The following DCC variants were observed in gnomAD, a reference collection of about 807,000 sequenced individuals.
DCC encodes the protein DCC netrin 1 receptor.
DCC carries 58 observed loss-of-function variants against 172.5 expected under a neutral mutation model. The ratio of observed to expected loss-of-function variants is 0.34; its 90% CI spans 0.27 to 0.42. DCC has a LOEUF of 0.42. DCC is among the 10% of genes least tolerant of loss of function. DCC has a pLI of 1.00. For missense variants in DCC, 1,740 were observed against 1,791.0 expected, an observed-to-expected ratio of 0.97 and a Z score of 0.51; for synonymous variants, 709 against 644.5, an observed-to-expected ratio of 1.10 and a Z score of -1.52.
chr18:52,735,505 T>C (rs1199590006), intron 1 of DCC, among the ~76,000 whole-genome samples: 1 of 152,118 alleles, frequency 6.6e-6, no homozygotes, highest in Non-Finnish European at 1.5e-5. Flanking sequence ...ATCTGCAGTC[T>C]GAGAAGCCAG....
intron 21 of DCC, among the ~76,000 whole-genome samples, chr18:53,421,220 T>C (rs879356178): frequency 9.9e-5 from 15 of 152,210 alleles, no homozygotes; most frequent in Admixed American, 2.0e-4. Context: ...GATGTCTTTG[T>C]ATGAAAATCG....
intron 12 of DCC, among the ~76,000 whole-genome samples, chr18:53,280,499 T>A (rs2056858281): frequency 6.6e-6 from 1 of 152,100 alleles, no homozygotes; most frequent in Non-Finnish European, 1.5e-5. Flanking sequence ...CTTTGAGAAG[T>A]TTTTTGGGTA....
At chr18:52,518,013 C>T (rs527369899) in intron 1 of DCC, among the ~76,000 whole-genome samples, 1 of 152,268 alleles carries the variant, frequency 6.6e-6, no homozygotes, top group Non-Finnish European at 1.5e-5. Flanking sequence ...CTGTTAAATA[C>T]ATTCTTACAT....
chr18:53,179,062 G>C lies in DCC; in HGVS notation c.1519G>C (p.Glu507Gln). ...CACCTTTCGAGTTGTGGCTTACAAT[G>C]AATGGGGACCGGGAGAGAGTTCTCA... ...MYTFRVVAYNEWGPGESSQPI... is the reference protein window; with the variant it reads ...MYTFRVVAYNQWGPGESSQPI... The change falls in exon 9 of 29, where the codon GAA becomes CAA. Residue 507 changes from glutamate to glutamine, a missense_variant. This residue lies in a region of DCC where 1,732 missense variants were observed against 1,767.4 expected (regional missense o/e 0.98). Coordinates refer to ENST00000442544, the MANE Select transcript of DCC (RefSeq NM_005215.4). 6.2e-7 allele frequency: 1 copy of C among 1,614,060 alleles called. No individual in the cohort carries two copies. The highest frequency in any genetic ancestry group is 8.5e-7 in the Non-Finnish European group (1 of 1,179,966).
At chr18:52,390,331 A>G (rs1461250739) in intron 1 of DCC, among the ~76,000 whole-genome samples, 1 of 152,010 alleles carries the variant, frequency 6.6e-6, no homozygotes, top group East Asian at 1.9e-4. Flanking sequence ...CAACCTTCTC[A>G]TGCTGCTTCT....
At chr18:52,476,093 A>G (rs1426570362) in intron 1 of DCC, among the ~76,000 whole-genome samples, 1 of 152,194 alleles carries the variant, frequency 6.6e-6, no homozygotes, top group African/African-American at 2.4e-5. Context: ...AGTCTCACAA[A>G]AATCAGCTTC....
chr18:52,703,695 A>T (rs556972513), intron 1 of DCC, among the ~76,000 whole-genome samples: 1 of 151,884 alleles, frequency 6.6e-6, no homozygotes, highest in African/African-American at 2.4e-5. Context: ...TTATATTGTC[A>T]GGTCAATATG....
At chr18:52,931,532 G>A (rs2040306475) in intron 5 of DCC, among the ~76,000 whole-genome samples, 1 of 151,994 alleles carries the variant, frequency 6.6e-6, no homozygotes, top group South Asian at 2.1e-4. Context: ...TCATTTTATA[G>A]ACTAGAAGAA....
chr18:53,334,071 T>G (rs2057564060), intron 14 of DCC, among the ~76,000 whole-genome samples: 2 of 152,286 alleles, frequency 1.3e-5, no homozygotes, highest in Middle Eastern at 3.4e-3. Flanking sequence ...ACTCTATAGC[T>G]CTGTTAACTA....
chr18:53,015,381 A>G (rs2143896783), intron 5 of DCC, among the ~76,000 whole-genome samples: 1 of 152,264 alleles, frequency 6.6e-6, no homozygotes, highest in South Asian at 2.1e-4. Flanking sequence ...AATCATAGTC[A>G]CTCTTAAATA....
intron 21 of DCC, among the ~76,000 whole-genome samples, chr18:53,431,818 A>G (rs547492955): frequency 3.3e-5 from 5 of 152,222 alleles, no homozygotes; most frequent in African/African-American, 9.6e-5. Context: ...TTCATATAAA[A>G]TTGTATTATT....
At chr18:52,603,756 T>G (rs934499634) in intron 1 of DCC, among the ~76,000 whole-genome samples, 6 of 151,982 alleles carry the variant, frequency 3.9e-5, no homozygotes, top group Admixed American at 2.6e-4. Context: ...AGAATTTTTT[T>G]GATTCAATAA....
chr18:52,900,615 C>T (rs1482103262), intron 2 of DCC, among the ~76,000 whole-genome samples: 1 of 152,172 alleles, frequency 6.6e-6, no homozygotes, highest in Non-Finnish European at 1.5e-5. Context: ...ACAGAGCTTC[C>T]ATATGTGTCT....
chr18:52,638,487 G>A (rs2144894677), intron 1 of DCC, among the ~76,000 whole-genome samples: 1 of 152,148 alleles, frequency 6.6e-6, no homozygotes, highest in Non-Finnish European at 1.5e-5. Flanking sequence ...TTAAAGGGAT[G>A]GAAAAGGCAT....
intron 1 of DCC, among the ~76,000 whole-genome samples, chr18:52,677,022 CT>C (rs2035657134): frequency 6.6e-6 from 1 of 152,066 alleles, no homozygotes; most frequent in Non-Finnish European, 1.5e-5. Flanking sequence ...AATAAATCCT[CT>C]AATAGTTTTT....
At chr18:52,374,427 C>T (rs936296302) in intron 1 of DCC, among the ~76,000 whole-genome samples, 1 of 152,164 alleles carries the variant, frequency 6.6e-6, no homozygotes, top group African/African-American at 2.4e-5. Context: ...ATTTTAGCCC[C>T]TCGGTGCTTA....
chr18:53,422,621 A>T (rs2145081240), intron 21 of DCC, among the ~76,000 whole-genome samples: 1 of 152,304 alleles, frequency 6.6e-6, no homozygotes, highest in East Asian at 1.9e-4. Flanking sequence ...CTGCCATTTT[A>T]CACCTCAGCA....
At chr18:53,512,461 G>C (rs1335062929) in intron 27 of DCC, among the ~76,000 whole-genome samples, 1 of 151,182 alleles carries the variant, frequency 6.6e-6, no homozygotes, top group African/African-American at 2.4e-5. Flanking sequence ...GCTGGATGGA[G>C]AATGACTTTG....
intron 15 of DCC, among the ~76,000 whole-genome samples, chr18:53,382,072 A>ACACACT: frequency 9.7e-6 from 1 of 103,320 alleles, no homozygotes; most frequent in East Asian, 2.3e-4. Flanking sequence ...TAAAAACAAC[A>ACACACT]CACACACACA....
Sources: gnomAD v4.1 joint callset for allele counts (sites outside exome capture counted in the v4.1 genomes callset) on GRCh38, gnomAD v4.1.1 for gene constraint, gnomAD v4.1.1 regional missense constraint, MANE v1.5 for transcripts, NCBI Gene and HGNC (gene_info 2026-07-23, HGNC 2026-07-21) for gene names.